The following ITPR2 variants were observed in gnomAD, a reference collection of about 807,000 sequenced individuals.
ITPR2 encodes inositol 1,4,5-trisphosphate-gated calcium channel ITPR2.
Under a neutral mutation model 317.1 loss-of-function variants are expected in ITPR2, and 207 were observed. The observed-to-expected ratio is 0.65, with a 90% CI of 0.58 to 0.73. ITPR2 has a LOEUF of 0.73. Among genes scored for constraint, ITPR2 ranks in the 30% least tolerant of loss-of-function variants. ITPR2 has a pLI of 0.00. For synonymous variants in ITPR2, 1,156 were observed against 1,149.1 expected, an observed-to-expected ratio of 1.01 and a Z score of -0.12; for missense variants, 2,613 against 3,284.0, an observed-to-expected ratio of 0.80 and a Z score of 4.99.
intron 55 of ITPR2, among the ~76,000 whole-genome samples, chr12:26,381,558 A>G (rs1418080936): frequency 1.3e-5 from 2 of 152,220 alleles, no homozygotes; most frequent in South Asian, 2.1e-4. Flanking sequence ...GATTTTCTCT[A>G]TACCTGATTA....
Position 26,439,261 on chromosome 12 carries a change from T to C in ITPR2, c.6509A>G (p.Glu2170Gly), listed in dbSNP as rs768242809. 1 of 1,612,900 alleles carries C rather than the reference T, an allele frequency of 6.2e-7. No homozygotes were observed. Among genetic ancestry groups the C allele is most frequent in the East Asian group, 2.2e-5 (1 of 44,836 alleles). ...QIVFPVPNIC[E>G]YLTRESKCRV... ...GCACTTGGATTCTCGAGTGAGGTAT[T>C]CACATATATTGGGGACAGGAAAAAC... Residue 2170 changes from glutamate (E) to glycine (G), a missense_variant, in exon 47 of 57, where the codon GAA becomes GGA. By Grantham distance (98) the Glu-to-Gly change is moderately conservative. This residue lies in a region of ITPR2 where 926 missense variants were observed against 1,072.8 expected (regional missense o/e 0.86). Transcript: ENST00000381340.
At chr12:26,395,605 T>C (rs910966556) in intron 54 of ITPR2, among the ~76,000 whole-genome samples, 3 of 151,742 alleles carry the variant, frequency 2.0e-5, no homozygotes, top group African/African-American at 7.3e-5. Flanking sequence ...AAAAAGGGCA[T>C]GGAGGAAGAA....
At chr12:26,798,646 G>A (rs1008932144) in intron 1 of ITPR2, among the ~76,000 whole-genome samples, 2 of 152,146 alleles carry the variant, frequency 1.3e-5, no homozygotes, top group Non-Finnish European at 1.5e-5. Context: ...TAGATCCCAA[G>A]GATGTTAATT....
intron 1 of ITPR2, among the ~76,000 whole-genome samples, chr12:26,820,419 A>C (rs1950921216): frequency 6.6e-6 from 1 of 152,212 alleles, no homozygotes; most frequent in African/African-American, 2.4e-5. Flanking sequence ...GTGGCAAAAC[A>C]AAAAGATCCC....
chr12:26,618,700 C>T (rs542368497), intron 26 of ITPR2, among the ~76,000 whole-genome samples: 48 of 152,352 alleles, frequency 3.2e-4, no homozygotes, highest in Non-Finnish European at 8.8e-5. Context: ...CAACAGCTTT[C>T]ACAGCAGCAC....
At position 26,661,321 on chromosome 12, in the gene ITPR2, CGT is replaced by C. The variant is rs1431110018; in HGVS notation, c.1714-2038_1714-2037del. 2.2e-5 allele frequency among the ~76,000 whole-genome samples: 3 copies of C among 138,592 alleles called. 1 individual carries two copies. Among genetic ancestry groups the C allele is most frequent in the African/African-American group, 8.1e-5 (3 of 37,202 alleles). The allele number at this position is 138,592 out of a possible 152,430, so 90.9% of individuals were successfully genotyped here. A position where few individuals can be genotyped will look rare whatever the true frequency, so the allele number is the denominator to read the frequency against. ...GAACGGGCACGTGCACGAGCGCACA[CGT>C]GTGTGTGTTTGTGTGTGTGTACGCA... is the stretch of plus-strand genomic sequence containing the variant. On this transcript the variant is annotated intron_variant, in intron 15 of 56. Transcript: ENST00000381340.
At chr12:26,686,977 G>A (rs748998157) in intron 10 of ITPR2, among the ~76,000 whole-genome samples, 5 of 152,156 alleles carry the variant, frequency 3.3e-5, no homozygotes, top group Non-Finnish European at 7.3e-5. Context: ...AGAAGAGCCC[G>A]TGTGTTGAAT....
chr12:26,716,381 A>G (rs1479809419), intron 5 of ITPR2, 139 bp from the exon 6 acceptor site: 1 of 587,392 alleles, frequency 1.7e-6, no homozygotes, highest in Non-Finnish European at 3.0e-6. Context: ...ATTTTCATAC[A>G]ATCCTTTTTC....
At chr12:26,642,073 C>G (rs1294220031) in intron 21 of ITPR2, among the ~76,000 whole-genome samples, 1 of 152,112 alleles carries the variant, frequency 6.6e-6, no homozygotes, top group Non-Finnish European at 1.5e-5. Context: ...AAAAATCTTT[C>G]TCAGCTCCTG....
intron 26 of ITPR2, among the ~76,000 whole-genome samples, chr12:26,612,224 C>T (rs547396896): frequency 1.2e-4 from 18 of 149,336 alleles, no homozygotes; most frequent in African/African-American, 4.4e-4. Context: ...TCCCCTCACG[C>T]TTTTATGTTA....
chr12:26,547,639 T>C (rs1382633700), intron 37 of ITPR2, among the ~76,000 whole-genome samples: 1 of 152,216 alleles, frequency 6.6e-6, no homozygotes, highest in East Asian at 1.9e-4. Flanking sequence ...AGCAAAGACA[T>C]GGAATCAACC....
In ITPR2 at chr12:26,438,989, A is replaced by G. The variant is rs1230769098; in HGVS notation, c.6643+138T>C. On this transcript the variant is annotated intron_variant, in intron 47 of 56. Transcript: ENST00000381340. ...GTGGTAGACTAAGCGGACACTCTTA[A>G]GACTGCAAGTGATTTCAGTAATATC... 9.9e-6 allele frequency: 6 copies of G among 604,572 alleles called. No individual in the cohort carries two copies. In the African/African-American group the frequency reaches 1.1e-4, roughly 11 times the overall value. 37.5% of individuals were successfully genotyped at this position (604,572 alleles called of 1,614,324 possible).
chr12:26,593,922 T>C (rs1257957939), intron 32 of ITPR2, among the ~76,000 whole-genome samples: 1 of 152,250 alleles, frequency 6.6e-6, no homozygotes, highest in Non-Finnish European at 1.5e-5. Context: ...GTGACCTTGA[T>C]CTGTTTCAAG....
chr12:26,799,273 G>C (rs1950513446), intron 1 of ITPR2, among the ~76,000 whole-genome samples: 1 of 152,124 alleles, frequency 6.6e-6, no homozygotes, highest in Non-Finnish European at 1.5e-5. Context: ...ACTAAACTTT[G>C]AAGTACTACT....
intron 2 of ITPR2, among the ~76,000 whole-genome samples, chr12:26,753,311 T>A (rs889732514): frequency 6.6e-6 from 1 of 152,216 alleles, no homozygotes; most frequent in African/African-American, 2.4e-5. Context: ...CTATGGGATG[T>A]TAACTGCTAT....
chr12:26,736,719 T>C (rs1422546982), intron 2 of ITPR2, among the ~76,000 whole-genome samples: 2 of 152,214 alleles, frequency 1.3e-5, no homozygotes, highest in Admixed American at 1.3e-4. Context: ...AAGTGAATAC[T>C]GTGCTGAACC....
intron 45 of ITPR2, among the ~76,000 whole-genome samples, chr12:26,463,659 C>T (rs1489539703): frequency 6.6e-6 from 1 of 150,588 alleles, no homozygotes; most frequent in East Asian, 1.9e-4. Flanking sequence ...GGGCGAAACT[C>T]CATCTCAAAA....
chr12:26,352,447 C>T (rs1236499151), intron 55 of ITPR2, among the ~76,000 whole-genome samples: 2 of 152,230 alleles, frequency 1.3e-5, no homozygotes, highest in Non-Finnish European at 2.9e-5. Flanking sequence ...CTGGTTTCTG[C>T]TTTCCTCTGA....
intron 50 of ITPR2, among the ~76,000 whole-genome samples, chr12:26,416,383 T>C (rs1302143572): frequency 2.0e-5 from 3 of 152,210 alleles, no homozygotes; most frequent in Non-Finnish European, 4.4e-5. Flanking sequence ...TTTAGAAAGG[T>C]ATAAATATCT....
Sources: gnomAD v4.1 joint callset for allele counts (sites outside exome capture counted in the v4.1 genomes callset) on GRCh38, gnomAD v4.1.1 for gene constraint, gnomAD v4.1.1 regional missense constraint, MANE v1.5 for transcripts, NCBI Gene and HGNC (gene_info 2026-07-23, HGNC 2026-07-21) for gene names.